Variants in ROBO2 observed in about 807,000 individuals in gnomAD.
ROBO2 encodes roundabout guidance receptor 2.
In ROBO2, 53 loss-of-function variants were observed where a neutral mutation model predicts 160.8. The ratio of observed to expected loss-of-function variants is 0.33; its 90% CI spans 0.26 to 0.41. The LOEUF (loss-of-function observed/expected upper bound fraction) is 0.41, where lower values mean the gene tolerates loss of function less well. ROBO2 is among the 10% of genes least tolerant of loss of function. ROBO2 has a pLI of 1.00. For synonymous variants in ROBO2, 664 were observed against 611.7 expected, an observed-to-expected ratio of 1.09 and a Z score of -1.26; for missense variants, 1,577 against 1,722.4, an observed-to-expected ratio of 0.92 and a Z score of 1.49.
At chr3:77,151,898 G>A (rs986246537) in intron 2 of ROBO2, among the ~76,000 whole-genome samples, 1 of 152,002 alleles carries the variant, frequency 6.6e-6, no homozygotes, top group East Asian at 1.9e-4. Flanking sequence ...TCTTGGAATC[G>A]CTCCCATTTA....
intron 2 of ROBO2, among the ~76,000 whole-genome samples, chr3:77,012,632 T>C (rs1416496874): frequency 6.6e-6 from 1 of 152,172 alleles, no homozygotes; most frequent in Non-Finnish European, 1.5e-5. Flanking sequence ...GGTAAGAAGC[T>C]TTTATTGTCA....
At chr3:76,182,451 A>C (rs1252004069) in intron 2 of ROBO2, among the ~76,000 whole-genome samples, 1 of 152,166 alleles carries the variant, frequency 6.6e-6, no homozygotes, top group Non-Finnish European at 1.5e-5. Context: ...AGCTAAGACA[A>C]CATGAAAGTA....
At chr3:77,099,577 AG>A (rs1177648856) in intron 2 of ROBO2, among the ~76,000 whole-genome samples, 1 of 152,224 alleles carries the variant, frequency 6.6e-6, no homozygotes, top group Non-Finnish European at 1.5e-5. Context: ...TACTTCAAAA[AG>A]CCCTCAAATT....
chr3:77,032,153 G>A (rs1288272576), intron 2 of ROBO2, among the ~76,000 whole-genome samples: 1 of 152,202 alleles, frequency 6.6e-6, no homozygotes, highest in African/African-American at 2.4e-5. Context: ...TTTGAAGCCA[G>A]TGGGAGGGAC....
At chr3:76,329,124 A>G (rs1049570232) in intron 2 of ROBO2, among the ~76,000 whole-genome samples, 7 of 151,878 alleles carry the variant, frequency 4.6e-5, no homozygotes, top group Admixed American at 4.6e-4. Context: ...CGTGGATGTG[A>G]CGCTCCACTT....
intron 2 of ROBO2, among the ~76,000 whole-genome samples, chr3:77,461,387 G>C (rs1337996335): frequency 1.3e-5 from 2 of 151,944 alleles, no homozygotes; most frequent in Middle Eastern, 3.8e-3. Flanking sequence ...GAATTTACTG[G>C]TATTGAGAAA....
At chr3:77,018,806 A>T (rs2062441854) in intron 2 of ROBO2, among the ~76,000 whole-genome samples, 1 of 152,230 alleles carries the variant, frequency 6.6e-6, no homozygotes, top group Admixed American at 6.5e-5. Context: ...TTCCTAGAGT[A>T]GTAAAATTTA....
At chr3:77,332,735 G>A (rs746394857) in intron 2 of ROBO2, among the ~76,000 whole-genome samples, 4 of 152,074 alleles carry the variant, frequency 2.6e-5, no homozygotes, top group Non-Finnish European at 1.5e-5. Context: ...ACCTGCTTGG[G>A]TTATCATTAT....
At chr3:77,353,238 G>A (rs1319130440) in intron 2 of ROBO2, among the ~76,000 whole-genome samples, 1 of 152,116 alleles carries the variant, frequency 6.6e-6, no homozygotes, top group African/African-American at 2.4e-5. Context: ...ATATATTTCT[G>A]CGATGTGGGC....
At chr3:77,241,008 G>T (rs1432912325) in intron 2 of ROBO2, among the ~76,000 whole-genome samples, 1 of 152,192 alleles carries the variant, frequency 6.6e-6, no homozygotes, top group Non-Finnish European at 1.5e-5. Flanking sequence ...AAAGGTCAGG[G>T]ATGATTGGCA....
At chr3:76,024,677 AT>A (rs544209885) in intron 2 of ROBO2, among the ~76,000 whole-genome samples, 16 of 151,770 alleles carry the variant, frequency 1.1e-4, no homozygotes, top group African/African-American at 3.9e-4. Context: ...GGAAAAATGA[AT>A]TAGTAATAAT....
At chr3:76,715,666 A>G (rs768211599) in intron 2 of ROBO2, among the ~76,000 whole-genome samples, 18 of 152,324 alleles carry the variant, frequency 1.2e-4, no homozygotes, top group Non-Finnish European at 2.4e-4. Flanking sequence ...GGTCAGAGCC[A>G]TGAGAATGAA....
intron 2 of ROBO2, among the ~76,000 whole-genome samples, chr3:76,735,578 A>C (rs2093695081): frequency 6.6e-6 from 1 of 151,756 alleles, no homozygotes; most frequent in African/African-American, 2.4e-5. Flanking sequence ...CCTGGGCAAT[A>C]CGGTGAAACC....
chr3:77,488,905 A>G (rs2153597206), intron 4 of ROBO2, among the ~76,000 whole-genome samples: 1 of 152,332 alleles, frequency 6.6e-6, no homozygotes, highest in Non-Finnish European at 1.5e-5. Context: ...AATAGTTCTT[A>G]CAAAAAATTT....
At chr3:76,419,157 G>A (rs1451973508) in intron 2 of ROBO2, among the ~76,000 whole-genome samples, 1 of 152,076 alleles carries the variant, frequency 6.6e-6, no homozygotes, top group Non-Finnish European at 1.5e-5. Context: ...ACCATAAAAT[G>A]GAAAAATACG....
intron 2 of ROBO2, among the ~76,000 whole-genome samples, chr3:76,181,118 C>A (rs558675378): frequency 1.6e-4 from 25 of 152,172 alleles, no homozygotes; most frequent in African/African-American, 5.8e-4. Context: ...AGGGCACTTT[C>A]TTTTCAATAT....
chr3:76,370,599 A>G (rs189060459), intron 2 of ROBO2, among the ~76,000 whole-genome samples: 2 of 152,086 alleles, frequency 1.3e-5, no homozygotes, highest in Non-Finnish European at 2.9e-5. Context: ...AGACTTTTCT[A>G]TAAGAAAATA....
chr3:77,560,771 G>A (rs1465307288), intron 9 of ROBO2, among the ~76,000 whole-genome samples: 1 of 152,170 alleles, frequency 6.6e-6, no homozygotes, highest in East Asian at 1.9e-4. Flanking sequence ...AGGAGATGCA[G>A]TTAAGAAGCA....
chr3:77,522,228 G>T (rs2090670371), intron 5 of ROBO2, among the ~76,000 whole-genome samples: 1 of 151,106 alleles, frequency 6.6e-6, no homozygotes, highest in Admixed American at 6.6e-5. Flanking sequence ...TCACTCCAAG[G>T]CATGTTGATG....
Sources: allele counts gnomAD v4.1 joint callset (sites outside exome capture counted in the v4.1 genomes callset), GRCh38; gene constraint gnomAD v4.1.1; transcripts MANE v1.5; gene names NCBI Gene and HGNC (gene_info 2026-07-23, HGNC 2026-07-21).